Variants in GFRA2 observed in about 807,000 individuals in gnomAD.
GFRA2 encodes the protein GDNF family receptor alpha-2.
GFRA2 carries 17 observed loss-of-function variants against 48.3 expected under a neutral mutation model. That is an observed-to-expected ratio of 0.35 (90% CI 0.24 to 0.53). GFRA2 has a LOEUF of 0.53. Among genes scored for constraint, GFRA2 ranks in the 20% least tolerant of loss-of-function variants. The pLI, the probability that GFRA2 is intolerant of heterozygous loss-of-function variation, is 0.93. For missense variants in GFRA2, 660 were observed against 637.3 expected (o/e 1.04, Z -0.38); for synonymous variants, 305 against 257.2 (o/e 1.19, Z -1.78).
intron 2 of GFRA2, among the ~76,000 whole-genome samples, chr8:21,781,144 T>C (rs914347737): frequency 2.6e-5 from 4 of 152,120 alleles, no homozygotes; most frequent in Admixed American, 2.6e-4. Context: ...TTTCCTTCCT[T>C]GCCACTGTCC....
intron 4 of GFRA2, among the ~76,000 whole-genome samples, chr8:21,744,550 A>AACACACACACACACACAC (rs71721911): frequency 0.013 from 1,754 of 140,176 alleles, 75 homozygotes; most frequent in African/African-American, 0.047. Context: ...AACCACCACC[A>AACACACACACACACACAC]ACACACACAC....
intron 4 of GFRA2, among the ~76,000 whole-genome samples, chr8:21,724,981 C>T (rs1182399655): frequency 6.6e-6 from 1 of 152,192 alleles, no homozygotes; most frequent in East Asian, 1.9e-4. Flanking sequence ...CAGCACAATC[C>T]TTGGACACTG....
intron 2 of GFRA2, among the ~76,000 whole-genome samples, chr8:21,798,812 A>G (rs1486581489): frequency 6.6e-6 from 1 of 152,110 alleles, no homozygotes; most frequent in Non-Finnish European, 1.5e-5. Context: ...CTCCTTTGTA[A>G]AAAGGAACTT....
rs1322766209 is a variant in GFRA2 at position 21,768,903 on chromosome 8, A to C, written c.439+6069T>G. On this transcript the variant is annotated intron_variant, in intron 3 of 8. Transcript: ENST00000524240. Reference sequence around the variant, plus strand: ...TCCCCTGAGCCCCCAGGCTCAAAAGACTTGAGGTTCCTTCATCACCCCAGG... The same window carrying C: ...TCCCCTGAGCCCCCAGGCTCAAAAGCCTTGAGGTTCCTTCATCACCCCAGG... 2.0e-5 allele frequency among the ~76,000 whole-genome samples: 3 copies of C among 152,156 alleles called. No homozygotes were observed. In the East Asian group the frequency reaches 5.8e-4, roughly 29 times the overall value.
chr8:21,747,758 ACAC>A (rs1805080222), intron 4 of GFRA2, among the ~76,000 whole-genome samples: 1 of 16,846 alleles, frequency 5.9e-5, no homozygotes, highest in Non-Finnish European at 1.8e-4. Flanking sequence ...ATCTTCCACC[ACAC>A]ACACACACAC....
intron 1 of GFRA2, chr8:21,784,224 C>T: frequency 4.4e-6 from 2 of 451,776 alleles, no homozygotes; most frequent in Non-Finnish European, 4.5e-6. Context: ...AAAATGGTTT[C>T]CTCCAGACAC....
rs943908586 is a variant in GFRA2, at chr8:21,799,694, C to T, written c.-36+5323G>A. On this transcript the variant is annotated intron_variant, in intron 2 of 10. Coordinates refer to the GFRA2 transcript ENST00000517328. The stretch of plus-strand genomic sequence containing the variant: ...GATCCCCTGCCCACCACCCTCCAGC[C>T]TAGTGAACCAAGTCACTTGTTAGTC... Among the ~76,000 whole-genome samples, 123 of 152,168 alleles carry T rather than the reference C, an allele frequency of 8.1e-4. 1 individual carries two copies. Among genetic ancestry groups the T allele is most frequent in the Non-Finnish European group, 1.0e-4 (7 of 68,030 alleles).
chr8:21,744,273 C>T (rs1176658690), intron 4 of GFRA2, among the ~76,000 whole-genome samples: 2 of 152,202 alleles, frequency 1.3e-5, no homozygotes, highest in Non-Finnish European at 2.9e-5. Context: ...TCCTCTGCTT[C>T]CCAACAAGCC....
intron 2 of GFRA2, among the ~76,000 whole-genome samples, chr8:21,777,267 T>C (rs1429218563): frequency 6.6e-6 from 1 of 152,214 alleles, no homozygotes; most frequent in Non-Finnish European, 1.5e-5. Flanking sequence ...AAATAAGTAC[T>C]GTTGTTCCCC....
intron 4 of GFRA2, among the ~76,000 whole-genome samples, chr8:21,723,669 G>T (rs28673758): frequency 3.3e-5 from 5 of 152,010 alleles, no homozygotes; most frequent in African/African-American, 1.2e-4. Context: ...CCACCCCGCA[G>T]GGTCCACTGG....
intron 2 of GFRA2, among the ~76,000 whole-genome samples, chr8:21,775,794 G>A (rs1019970021): frequency 6.6e-6 from 1 of 151,936 alleles, no homozygotes; most frequent in African/African-American, 2.4e-5. Flanking sequence ...ACCTTTCCTC[G>A]AGGCTTTGGG....
At chr8:21,782,522 G>C in intron 2 of GFRA2, 63 bp downstream of exon 2, 1 of 1,287,750 alleles carries the variant, frequency 7.8e-7, no homozygotes, top group Non-Finnish European at 1.1e-6. Flanking sequence ...CCCCTGGCCC[G>C]CCACACGTCC....
chr8:21,769,412 C>T (rs1806336841), intron 3 of GFRA2, among the ~76,000 whole-genome samples: 2 of 152,186 alleles, frequency 1.3e-5, no homozygotes, highest in Admixed American at 6.5e-5. Flanking sequence ...CTCCAGTCAG[C>T]GAACGGTGAT....
chr8:21,729,032 G>C (rs913631425), intron 4 of GFRA2, among the ~76,000 whole-genome samples: 2 of 152,200 alleles, frequency 1.3e-5, no homozygotes, highest in Non-Finnish European at 2.9e-5. Context: ...GGCAGTTCAA[G>C]ACCAGAGCAG....
chr8:21,808,075 A>G (rs1455574192), intron 1 of GFRA2, among the ~76,000 whole-genome samples: 5 of 152,212 alleles, frequency 3.3e-5, no homozygotes, highest in Non-Finnish European at 7.3e-5. Flanking sequence ...AGTTCAGCTC[A>G]TAACACCTTC....
chr8:21,713,064 A>AGGGAGACG (rs1803151138), intron 4 of GFRA2, among the ~76,000 whole-genome samples: 4 of 129,676 alleles, frequency 3.1e-5, no homozygotes, highest in African/African-American at 1.5e-4. Context: ...AGACGAGGGA[A>AGGGAGACG]AGGGAGAGGG....
chr8:21,782,531 C>A, intron 2 of GFRA2, 54 bp downstream of exon 2: 1 of 1,368,474 alleles, frequency 7.3e-7, no homozygotes, highest in Non-Finnish European at 1.0e-6. Flanking sequence ...CGCCACACGT[C>A]CTCTCTGCCT....
upstream of GFRA2, chr8:21,790,171 G>T: frequency 1.2e-6 from 1 of 869,384 alleles, no homozygotes; most frequent in African/African-American, 1.8e-5. Flanking sequence ...CTGCGGTCAC[G>T]TTCCGGCGAG....
chr8:21,795,286 A>G (rs1248755202), intron 2 of GFRA2, among the ~76,000 whole-genome samples: 2 of 152,152 alleles, frequency 1.3e-5, no homozygotes, highest in Non-Finnish European at 2.9e-5. Context: ...AGTCCTTACA[A>G]CATCCCTGGG....
Sources: allele counts gnomAD v4.1 joint callset (sites outside exome capture counted in the v4.1 genomes callset), GRCh38; gene constraint gnomAD v4.1.1; transcripts MANE v1.5; gene names NCBI Gene and HGNC (gene_info 2026-07-23, HGNC 2026-07-21).